NCKAP5: variants seen among roughly 807,000 people sequenced by gnomAD.
NCKAP5 encodes NCK associated protein 5.
Under a neutral mutation model 167.0 loss-of-function variants are expected in NCKAP5, and 92 were observed. That is an observed-to-expected ratio of 0.55 (90% confidence interval 0.47 to 0.66). The LOEUF (loss-of-function observed/expected upper bound fraction) is 0.66, where lower values mean the gene tolerates loss of function less well. Ranked by LOEUF, NCKAP5 falls within the 30% of genes least tolerant of loss-of-function variation. The pLI, the probability that NCKAP5 is intolerant of heterozygous loss-of-function variation, is 0.00. For missense variants in NCKAP5, 2,378 were observed against 2,315.0 expected, an observed-to-expected ratio of 1.03 and a Z score of -0.56; for synonymous variants, 891 against 877.4, an observed-to-expected ratio of 1.02 and a Z score of -0.27.
At chr2:133,149,442 C>T (rs2083306870) in intron 5 of NCKAP5, among the ~76,000 whole-genome samples, 1 of 151,886 alleles carries the variant, frequency 6.6e-6, no homozygotes, top group Non-Finnish European at 1.5e-5. Flanking sequence ...CACTCCCATC[C>T]CCACCCCACC....
At position 133,504,336 on chromosome 2, in the gene NCKAP5, G is replaced by A. The variant is rs1053047694; in HGVS notation, c.69+13122C>T. The stretch of plus-strand genomic sequence containing the variant: ...CTGCAAAGGGGTGAAGGCTGACTTG[G>A]ACAAACTGATTCCATTTATGTCCAG... On this transcript the variant is annotated intron_variant, in intron 3 of 19. Transcript: ENST00000409261. 2.3e-4 allele frequency among the ~76,000 whole-genome samples: 5 copies of A among 21,730 alleles called. 2 individuals carry two copies. Among genetic ancestry groups the A allele is most frequent in the Admixed American group, 1.3e-3 (3 of 2,276 alleles). 14.3% of individuals were successfully genotyped at this position (21,730 alleles called of 152,430 possible). A position where few individuals can be genotyped will look rare whatever the true frequency, so the allele number is the denominator to read the frequency against.
At chr2:132,688,144 G>A (rs142996993) in intron 19 of NCKAP5, among the ~76,000 whole-genome samples, 9 of 152,172 alleles carry the variant, frequency 5.9e-5, no homozygotes, top group East Asian at 3.9e-4. Flanking sequence ...AATTTTAAGC[G>A]AGTCCCTAAC....
chr2:132,974,531 T>G (rs1028201817), intron 7 of NCKAP5, among the ~76,000 whole-genome samples: 1 of 152,230 alleles, frequency 6.6e-6, no homozygotes, highest in African/African-American at 2.4e-5. Context: ...AATGGGTTGT[T>G]AGGTGACCCG....
At chr2:133,646,169 A>G in the NCKAP5 span, among the ~76,000 whole-genome samples, 4 of 152,252 alleles carry the variant, frequency 2.6e-5, no homozygotes, top group South Asian at 8.3e-4. Flanking sequence ...AAAGAAATAG[A>G]AAAGGTACAG....
intron 3 of NCKAP5, among the ~76,000 whole-genome samples, chr2:133,373,262 T>C (rs1685919735): frequency 6.6e-6 from 1 of 152,056 alleles, no homozygotes; most frequent in African/African-American, 2.4e-5. Flanking sequence ...TTTCACCATG[T>C]TGGTCAGGCT....
At chr2:132,869,482 G>T (rs923136047) in intron 9 of NCKAP5, among the ~76,000 whole-genome samples, 1 of 152,120 alleles carries the variant, frequency 6.6e-6, no homozygotes, top group Admixed American at 6.6e-5. Flanking sequence ...CATCTTCAAT[G>T]TTTTTGCTTA....
At chr2:133,051,354 C>A (rs2079600021) in intron 6 of NCKAP5, among the ~76,000 whole-genome samples, 1 of 152,060 alleles carries the variant, frequency 6.6e-6, no homozygotes, top group Non-Finnish European at 1.5e-5. Context: ...TGAGGAATAA[C>A]CAAAAAGGTC....
intron 4 of NCKAP5, among the ~76,000 whole-genome samples, chr2:133,253,565 C>A (rs146492522): frequency 4.3e-4 from 66 of 152,218 alleles, no homozygotes; most frequent in African/African-American, 1.6e-3. Flanking sequence ...CCCGTTTCAT[C>A]ATATTTATCC....
chr2:133,177,475 C>G (rs1043782794), intron 5 of NCKAP5, among the ~76,000 whole-genome samples: 1 of 152,044 alleles, frequency 6.6e-6, no homozygotes, highest in African/African-American at 2.4e-5. Context: ...CACTTTACCC[C>G]CTTAAACCAC....
chr2:133,613,789 G>A, the NCKAP5 span, among the ~76,000 whole-genome samples: 73 of 152,268 alleles, frequency 4.8e-4, no homozygotes, highest in African/African-American at 1.5e-3. Flanking sequence ...TGGGAATGGC[G>A]CTCTTCCCAA....
chr2:133,299,934 G>C, intron 4 of NCKAP5, among the ~76,000 whole-genome samples: 1 of 151,354 alleles, frequency 6.6e-6, no homozygotes, highest in East Asian at 1.9e-4. Flanking sequence ...AATAAAAAAT[G>C]ATAAAGGGGA....
At chr2:133,161,077 T>C (rs1482447840) in intron 5 of NCKAP5, among the ~76,000 whole-genome samples, 1 of 152,092 alleles carries the variant, frequency 6.6e-6, no homozygotes, top group Non-Finnish European at 1.5e-5. Flanking sequence ...CATTAGATTA[T>C]CATAGGAGTG....
At chr2:133,492,263 A>G (rs1317459255) in intron 3 of NCKAP5, among the ~76,000 whole-genome samples, 1 of 151,978 alleles carries the variant, frequency 6.6e-6, no homozygotes, top group African/African-American at 2.4e-5. Context: ...CAGCCCCACC[A>G]TTCACCACAT....
intron 8 of NCKAP5, among the ~76,000 whole-genome samples, chr2:132,920,767 GTATGTATATATATATATATATATA>G (rs1695325687): frequency 1.6e-4 from 5 of 31,248 alleles, no homozygotes; most frequent in Admixed American, 2.8e-4. Context: ...GTATATATAT[GTATGTATATATATATATATATATA>G]TATATATATA....
chr2:133,049,559 A>G (rs2079533852), intron 6 of NCKAP5, among the ~76,000 whole-genome samples: 1 of 151,864 alleles, frequency 6.6e-6, no homozygotes, highest in African/African-American at 2.4e-5. Flanking sequence ...AAAAAAAAAA[A>G]AAAAAAAAGA....
intron 11 of NCKAP5, among the ~76,000 whole-genome samples, chr2:132,834,608 G>C (rs1023981067): frequency 6.6e-6 from 1 of 152,156 alleles, no homozygotes; most frequent in Non-Finnish European, 1.5e-5. Flanking sequence ...GCCTCCCAAA[G>C]TGCTGGGATT....
chr2:133,435,017 T>A (rs1225975883), intron 3 of NCKAP5, among the ~76,000 whole-genome samples: 1 of 152,232 alleles, frequency 6.6e-6, no homozygotes, highest in Non-Finnish European at 1.5e-5. Flanking sequence ...TTTGAATTAA[T>A]GCAAGTATTA....
the NCKAP5 span, among the ~76,000 whole-genome samples, chr2:133,662,347 G>C: frequency 6.6e-6 from 1 of 151,900 alleles, no homozygotes; most frequent in Non-Finnish European, 1.5e-5. Flanking sequence ...GTACAAAAGT[G>C]TTTTAAGTGT....
chr2:133,469,664 T>C (rs1355270339), intron 3 of NCKAP5, among the ~76,000 whole-genome samples: 1 of 152,162 alleles, frequency 6.6e-6, no homozygotes, highest in Non-Finnish European at 1.5e-5. Flanking sequence ...GATGTAGATT[T>C]GGTCTTTTCA....
Sources: allele counts gnomAD v4.1 joint callset (sites outside exome capture counted in the v4.1 genomes callset), GRCh38; gene constraint gnomAD v4.1.1; transcripts MANE v1.5; gene names NCBI Gene and HGNC (gene_info 2026-07-23, HGNC 2026-07-21).